The following RBL1 variants were observed in gnomAD, a reference collection of about 807,000 sequenced individuals.
RBL1 encodes RB transcriptional corepressor like 1.
RBL1 carries 82 observed loss-of-function variants against 123.0 expected under a neutral mutation model. The observed-to-expected ratio is 0.67, with a 90% CI of 0.56 to 0.80. The LOEUF is 0.80. Among genes scored for constraint, RBL1 ranks in the 30% least tolerant of loss-of-function variants. The pLI, the probability that RBL1 is intolerant of heterozygous loss-of-function variation, is 0.00. For missense variants in RBL1, 1,171 were observed against 1,299.6 expected (o/e 0.90, Z 1.52); for synonymous variants, 405 against 441.3 (o/e 0.92, Z 1.03).
intron 9 of RBL1, 60 bp from the exon 10 acceptor site, chr20:37,056,318 C>T: frequency 6.8e-7 from 1 of 1,473,874 alleles, no homozygotes; most frequent in Admixed American, 2.6e-5. Flanking sequence ...ACAAAAAAGA[C>T]TCCACACCAG....
intron 19 of RBL1, 45 bp from the exon 20 acceptor site, chr20:37,007,604 T>G (rs774581580): frequency 6.3e-7 from 1 of 1,587,204 alleles, no homozygotes; most frequent in South Asian, 1.1e-5. Flanking sequence ...ATACTTTTTA[T>G]TTTTTTGAGA....
chr20:37,087,761 TC>T (rs895226020), intron 2 of RBL1, among the ~76,000 whole-genome samples: 51 of 152,046 alleles, frequency 3.4e-4, no homozygotes, highest in African/African-American at 1.1e-3. Flanking sequence ...AAATTGTACT[TC>T]CAGGAAAAAA....
chr20:37,088,794 C>G (rs2065597719), intron 2 of RBL1, among the ~76,000 whole-genome samples, 195 bp downstream of exon 2: 1 of 151,868 alleles, frequency 6.6e-6, no homozygotes, highest in Non-Finnish European at 1.5e-5. Flanking sequence ...ACCCAGGAGG[C>G]AGAGATTGCA....
intron 21 of RBL1, among the ~76,000 whole-genome samples, chr20:37,003,050 C>G (rs1192772990): frequency 6.6e-6 from 1 of 152,092 alleles, no homozygotes; most frequent in Non-Finnish European, 1.5e-5. Flanking sequence ...CCAACTTTGT[C>G]AAGTATAGTA....
chr20:37,023,942 TA>T (rs1424933937), intron 16 of RBL1, among the ~76,000 whole-genome samples: 2 of 151,072 alleles, frequency 1.3e-5, no homozygotes, highest in African/African-American at 4.9e-5. Context: ...CACGCCTGGC[TA>T]ATTTTTTTTT....
intron 16 of RBL1, 66 bp downstream of exon 16, chr20:37,032,599 C>T: frequency 5.7e-6 from 9 of 1,579,314 alleles, no homozygotes; most frequent in Non-Finnish European, 7.7e-6. Context: ...CAAAGTCTGT[C>T]TCTGTTACTC....
Position 37,049,489 on chromosome 20 carries a change from T to C in RBL1, c.1468-2299A>G, listed in dbSNP as rs560116547. ...TGGTGGTGCTAAGAAAAGGAAGAAG[T>C]CTTACACCACTCCCAAGAAGAGTAA... On this transcript the variant is annotated intron_variant, in intron 11 of 21. Coordinates refer to ENST00000373664, the MANE Select transcript of RBL1 (RefSeq NM_002895.5). 3 of 755,118 alleles carry C rather than the reference T, an allele frequency of 4.0e-6. No individual in the cohort carries two copies. In the East Asian group the frequency reaches 7.3e-5, roughly 18 times the overall value. The allele number at this position is 755,118 out of a possible 1,614,324, so 46.8% of individuals were successfully genotyped here.
Position 37,067,052 on chromosome 20 carries a change from A to G in RBL1, c.626T>C (p.Ile209Thr). The change falls in exon 5 of 22, where the codon ATT becomes ACT. Residue 209 changes from isoleucine to threonine, a missense_variant. Physicochemically the swap from Ile to Thr is moderately conservative, Grantham distance 89. Coordinates refer to ENST00000373664, the MANE Select transcript of RBL1 (RefSeq NM_002895.5). The part of the protein sequence containing the change: ...YHLLLCCLDL[I>T]FANAIMCPNR... ...TGGGCACATAATCGCATTGGCAAAA[A>G]TCAGATCCAAGCAGCATAGAAGTAA... 1 of 1,612,180 alleles carries G rather than the reference A, an allele frequency of 6.2e-7. No individual in the cohort carries two copies. Among genetic ancestry groups the G allele is most frequent in the East Asian group, 2.2e-5 (1 of 44,850 alleles).
chr20:36,998,699 G>C lies in RBL1; in HGVS notation c.*60C>G. Reference sequence around the variant, plus strand: ...ATAGGGCTAAAAGGTTTGAAGGACAGAGCTCCAACTTTCTGCAGAACAATC... The same window carrying C: ...ATAGGGCTAAAAGGTTTGAAGGACACAGCTCCAACTTTCTGCAGAACAATC... On this transcript the variant is annotated 3_prime_UTR_variant, in exon 22 of 22. Coordinates refer to ENST00000373664, the MANE Select transcript of RBL1 (RefSeq NM_002895.5). The C allele has an allele frequency of 6.8e-7, 1 of 1,471,300 alleles. No homozygotes were observed. Among genetic ancestry groups the C allele is most frequent in the African/African-American group, 1.4e-5 (1 of 71,412 alleles). The allele number at this position is 1,471,300 out of a possible 1,614,324, so 91.1% of individuals were successfully genotyped here.
chr20:37,007,110 G>A (rs984079470), intron 20 of RBL1, among the ~76,000 whole-genome samples: 22 of 152,120 alleles, frequency 1.4e-4, no homozygotes, highest in South Asian at 1.2e-3. Flanking sequence ...TTAGCTAGGC[G>A]TGGGGGCATG....
At chr20:37,058,020 G>C (rs1294187011) in intron 9 of RBL1, among the ~76,000 whole-genome samples, 1 of 151,652 alleles carries the variant, frequency 6.6e-6, no homozygotes, top group Non-Finnish European at 1.5e-5. Flanking sequence ...AGCTACTCAG[G>C]AGGCTGAGGC....
intron 19 of RBL1, 98 bp downstream of exon 19, chr20:37,018,181 C>CTT (rs1181205010): frequency 7.4e-7 from 1 of 1,344,618 alleles, no homozygotes; most frequent in African/African-American, 1.5e-5. Flanking sequence ...ACCTCACCTC[C>CTT]TTATGATTCA....
At chr20:37,035,116 T>TA (rs11474723) in intron 15 of RBL1, 126 bp downstream of exon 15, 21,944 of 781,576 alleles carry the variant, frequency 0.028, 6 homozygotes, top group Middle Eastern at 0.033. Context: ...CAAATCTATT[T>TA]AAAAAAAAAA....
intron 9 of RBL1, among the ~76,000 whole-genome samples, chr20:37,058,177 T>C (rs2065044177): frequency 6.7e-6 from 1 of 149,852 alleles, no homozygotes; most frequent in Non-Finnish European, 1.5e-5. Context: ...TCACTATTCC[T>C]AGTCAGGGAC....
chr20:37,027,280 A>G (rs958107547), intron 16 of RBL1, among the ~76,000 whole-genome samples: 2 of 152,170 alleles, frequency 1.3e-5, no homozygotes, highest in Non-Finnish European at 2.9e-5. Context: ...GGTAGACTGC[A>G]GTGAGACATG....
chr20:37,025,632 TTTTC>T (rs1398635180), intron 16 of RBL1, among the ~76,000 whole-genome samples: 2 of 152,194 alleles, frequency 1.3e-5, no homozygotes, highest in African/African-American at 4.8e-5. Context: ...GGCATGCTCT[TTTTC>T]TTTCTGCTGG....
intron 2 of RBL1, among the ~76,000 whole-genome samples, chr20:37,087,232 G>C (rs1303836226): frequency 1.3e-5 from 2 of 152,110 alleles, no homozygotes; most frequent in African/African-American, 4.8e-5. Flanking sequence ...CTACTCAGGA[G>C]GCTGAGGCAG....
intron 16 of RBL1, among the ~76,000 whole-genome samples, chr20:37,028,790 G>A (rs779528121): frequency 3.5e-4 from 54 of 152,200 alleles, no homozygotes; most frequent in Non-Finnish European, 7.1e-4. Flanking sequence ...CTGTGAGCCT[G>A]AGTCTAAACT....
chr20:37,009,935 G>A (rs2146207364), intron 19 of RBL1, among the ~76,000 whole-genome samples: 1 of 152,058 alleles, frequency 6.6e-6, no homozygotes, highest in Middle Eastern at 3.4e-3. Flanking sequence ...TGAGATGACA[G>A]GATCGCTTGA....
Sources: allele counts gnomAD v4.1 joint callset (sites outside exome capture counted in the v4.1 genomes callset), GRCh38; gene constraint gnomAD v4.1.1; transcripts MANE v1.5; gene names NCBI Gene and HGNC (gene_info 2026-07-23, HGNC 2026-07-21).